ESRRG: variants seen among roughly 807,000 people sequenced by gnomAD.
ESRRG encodes estrogen-related receptor gamma.
ESRRG carries 13 observed loss-of-function variants against 44.0 expected under a neutral mutation model. The ratio of observed to expected loss-of-function variants is 0.30; its 90% CI spans 0.19 to 0.47. The LOEUF (loss-of-function observed/expected upper bound fraction) is 0.47, where lower values mean the gene tolerates loss of function less well. ESRRG is among the 20% of genes least tolerant of loss of function. ESRRG has a pLI of 1.00. For synonymous variants in ESRRG, 215 were observed against 214.6 expected, an observed-to-expected ratio of 1.00 and a Z score of -0.02; for missense variants, 395 against 580.6, an observed-to-expected ratio of 0.68 and a Z score of 3.29.
chr1:216,654,647 AT>A (rs954964830), intron 2 of ESRRG, among the ~76,000 whole-genome samples: 5 of 150,550 alleles, frequency 3.3e-5, no homozygotes, highest in East Asian at 1.9e-4. Context: ...AAAAAAAAAA[AT>A]CTAGTTAATT....
intron 1 of ESRRG, among the ~76,000 whole-genome samples, chr1:217,015,468 C>T (rs1245508760): frequency 6.6e-6 from 1 of 152,016 alleles, no homozygotes; most frequent in Admixed American, 6.6e-5. Flanking sequence ...AAACTAGTAT[C>T]TTTTCTTTCA....
At chr1:216,926,883 TGAATGC>T (rs2062663280) in intron 2 of ESRRG, among the ~76,000 whole-genome samples, 1 of 152,094 alleles carries the variant, frequency 6.6e-6, no homozygotes, top group Admixed American at 6.5e-5. Context: ...TGCTGAATGC[TGAATGC>T]AGCATGCTGT....
intron 5 of ESRRG, among the ~76,000 whole-genome samples, chr1:216,543,907 T>C (rs2053663137): frequency 6.6e-6 from 1 of 152,100 alleles, no homozygotes; most frequent in Admixed American, 6.6e-5. Context: ...AGAGATTTGT[T>C]TCAAATATTG....
intron 2 of ESRRG, among the ~76,000 whole-genome samples, chr1:216,801,544 C>T (rs2813663): frequency 0.77 from 116,389 of 152,034 alleles, 45,342 homozygotes; most frequent in Non-Finnish European, 0.85. Context: ...GGGGCACCAA[C>T]CTACATGCTC....
At chr1:217,086,164 C>T (rs998285072) in intron 1 of ESRRG, among the ~76,000 whole-genome samples, 2 of 152,094 alleles carry the variant, frequency 1.3e-5, no homozygotes, top group African/African-American at 4.8e-5. Context: ...TTATCATACC[C>T]GTGGTTCAAT....
intron 2 of ESRRG, among the ~76,000 whole-genome samples, chr1:216,889,468 T>C (rs770096323): frequency 7.2e-5 from 11 of 152,134 alleles, no homozygotes; most frequent in Non-Finnish European, 1.2e-4. Context: ...ACAAGGAGCA[T>C]AGAAAGTGGC....
At chr1:216,703,654 G>T (rs949869256) in intron 1 of ESRRG, among the ~76,000 whole-genome samples, 1 of 102,102 alleles carries the variant, frequency 9.8e-6, no homozygotes, top group Non-Finnish European at 1.9e-5. Flanking sequence ...TTCAAAGCTG[G>T]ATAGATGTGT....
At chr1:216,710,302 G>A (rs1423103829) in intron 1 of ESRRG, among the ~76,000 whole-genome samples, 1 of 152,128 alleles carries the variant, frequency 6.6e-6, no homozygotes, top group East Asian at 1.9e-4. Context: ...TAAAACTAAC[G>A]AAGAAGCTGG....
chr1:216,694,272 A>C (rs1175022222), intron 1 of ESRRG, among the ~76,000 whole-genome samples: 5 of 152,198 alleles, frequency 3.3e-5, no homozygotes, highest in African/African-American at 1.2e-4. Context: ...GAAAAATACC[A>C]TTTTAGGGTG....
intron 3 of ESRRG, among the ~76,000 whole-genome samples, chr1:216,647,772 C>T (rs1408645474): frequency 6.6e-6 from 1 of 152,156 alleles, no homozygotes; most frequent in African/African-American, 2.4e-5. Flanking sequence ...CTATCAACTA[C>T]CCTTTTAATG....
intron 2 of ESRRG, among the ~76,000 whole-genome samples, chr1:216,656,998 AT>A (rs1303008603): frequency 1.3e-5 from 2 of 152,220 alleles, no homozygotes; most frequent in African/African-American, 4.8e-5. Flanking sequence ...AATCTGTAGT[AT>A]TTTTGTTTTA....
At chr1:216,870,252 G>A (rs918203189) in intron 2 of ESRRG, among the ~76,000 whole-genome samples, 13 of 138,980 alleles carry the variant, frequency 9.4e-5, no homozygotes, top group African/African-American at 3.2e-4. Context: ...CTGTCAATGT[G>A]CTTTTTTTTT....
In ESRRG at chr1:216,697,128, G is replaced by A. The variant is rs1024171862; in HGVS notation, c.57-19637C>T. ...CTACAGGCGTGCACCACCATGCCTG[G>A]CTAATTTTTGTATTTTTAGTAGAGA... On this transcript the variant is annotated intron_variant, in intron 1 of 6. Transcript: ENST00000408911. Among the ~76,000 whole-genome samples the A allele has an allele frequency of 3.9e-5, 6 of 151,934 alleles. No homozygotes were observed. The South Asian group carries it at 6.2e-4, about 16-fold the overall frequency.
intron 1 of ESRRG, among the ~76,000 whole-genome samples, chr1:217,073,869 G>T (rs895390250): frequency 2.0e-5 from 3 of 152,070 alleles, no homozygotes; most frequent in Non-Finnish European, 4.4e-5. Context: ...GAGACCCTTA[G>T]ATTTCAAGAA....
At chr1:217,120,276 T>C (rs2092802301) in intron 1 of ESRRG, among the ~76,000 whole-genome samples, 1 of 152,152 alleles carries the variant, frequency 6.6e-6, no homozygotes, top group Non-Finnish European at 1.5e-5. Flanking sequence ...TTTATTTTAT[T>C]TCATTTCATA....
intron 3 of ESRRG, among the ~76,000 whole-genome samples, chr1:216,627,944 C>T (rs1574373708): frequency 6.6e-6 from 1 of 152,110 alleles, no homozygotes; most frequent in South Asian, 2.1e-4. Context: ...AATTTCATCA[C>T]AAAGGCATGG....
At chr1:216,519,061 C>A (rs1434926240) in intron 6 of ESRRG, 91 bp downstream of exon 6, 1 of 1,176,120 alleles carries the variant, frequency 8.5e-7, no homozygotes, top group East Asian at 2.4e-5. Flanking sequence ...AATTTACAAA[C>A]CAGGTCTAGC....
At chr1:216,921,656 T>C (rs1345775008) in intron 2 of ESRRG, among the ~76,000 whole-genome samples, 1 of 152,178 alleles carries the variant, frequency 6.6e-6, no homozygotes, top group Non-Finnish European at 1.5e-5. Context: ...TCATCTTATT[T>C]TGAATTGCAA....
chr1:216,840,268 C>T (rs1367953564), intron 2 of ESRRG, among the ~76,000 whole-genome samples: 3 of 152,194 alleles, frequency 2.0e-5, no homozygotes, highest in Non-Finnish European at 4.4e-5. Context: ...ACAGTGATGG[C>T]TTATTTCCTT....
Sources: allele counts gnomAD v4.1 joint callset (sites outside exome capture counted in the v4.1 genomes callset), GRCh38; gene constraint gnomAD v4.1.1; transcripts MANE v1.5; gene names NCBI Gene and HGNC (gene_info 2026-07-23, HGNC 2026-07-21).